Variants in ADAMTSL1 observed in about 807,000 individuals in gnomAD.
ADAMTSL1 encodes the protein ADAMTS-like protein 1.
ADAMTSL1 carries 126 observed loss-of-function variants against 201.8 expected under a neutral mutation model. That is an observed-to-expected ratio of 0.62 (90% confidence interval 0.54 to 0.72). The LOEUF (loss-of-function observed/expected upper bound fraction) is 0.72, where lower values mean the gene tolerates loss of function less well. ADAMTSL1 is among the 30% of genes least tolerant of loss of function. The pLI is 0.00. For synonymous variants in ADAMTSL1, 1,121 were observed against 903.4 expected, an observed-to-expected ratio of 1.24 and a Z score of -4.32; for missense variants, 2,679 against 2,277.8, an observed-to-expected ratio of 1.18 and a Z score of -3.59.
At chr9:18,393,053 CT>C (rs1838116953) in intron 2 of ADAMTSL1, among the ~76,000 whole-genome samples, 1 of 152,084 alleles carries the variant, frequency 6.6e-6, no homozygotes, top group Middle Eastern at 3.2e-3. Context: ...TCTTAGAGTG[CT>C]TATTGACCAC....
chr9:18,525,342 A>G (rs1818968836), intron 2 of ADAMTSL1, among the ~76,000 whole-genome samples: 1 of 151,548 alleles, frequency 6.6e-6, no homozygotes, highest in Admixed American at 6.6e-5. Context: ...TTTCTTCTTT[A>G]TTACTCTTGC....
chr9:18,379,647 T>G (rs1362628877), intron 2 of ADAMTSL1, among the ~76,000 whole-genome samples: 1 of 151,982 alleles, frequency 6.6e-6, no homozygotes, highest in Admixed American at 6.6e-5. Flanking sequence ...TGACGAAGGC[T>G]CTCCAGGCTG....
At chr9:18,438,422 C>A (rs1164263646) in intron 2 of ADAMTSL1, among the ~76,000 whole-genome samples, 1 of 152,244 alleles carries the variant, frequency 6.6e-6, no homozygotes, top group East Asian at 1.9e-4. Context: ...GGGCAGCCAC[C>A]CCCACGGACA....
intron 2 of ADAMTSL1, among the ~76,000 whole-genome samples, chr9:18,407,161 T>G (rs1424494820): frequency 1.3e-5 from 2 of 152,274 alleles, no homozygotes; most frequent in African/African-American, 4.8e-5. Context: ...CTATACAAAG[T>G]GCAGGAAGAG....
intron 19 of ADAMTSL1, among the ~76,000 whole-genome samples, chr9:18,789,506 G>A (rs79731404): frequency 6.6e-5 from 10 of 152,262 alleles, no homozygotes; most frequent in East Asian, 5.8e-4. Flanking sequence ...TTTCAGCCCC[G>A]TTGCTTTGAA....
At chr9:18,636,103 A>T in intron 6 of ADAMTSL1, 86 bp downstream of exon 6, 1 of 1,115,588 alleles carries the variant, frequency 9.0e-7, no homozygotes, top group Non-Finnish European at 1.3e-6. Context: ...ATTAAAACAC[A>T]AGAATACAAA....
intron 1 of ADAMTSL1, among the ~76,000 whole-genome samples, chr9:18,089,692 C>T (rs1382254632): frequency 6.6e-6 from 1 of 152,084 alleles, no homozygotes; most frequent in African/African-American, 2.4e-5. Context: ...GGCATGATTC[C>T]ACTTGTAAAA....
At chr9:18,537,579 C>A (rs1819848581) in intron 3 of ADAMTSL1, among the ~76,000 whole-genome samples, 2 of 152,074 alleles carry the variant, frequency 1.3e-5, no homozygotes, top group Admixed American at 1.3e-4. Context: ...CAAAAATTAG[C>A]TGCTGGATGG....
intron 1 of ADAMTSL1, among the ~76,000 whole-genome samples, chr9:17,958,801 T>C (rs1016296396): frequency 2.6e-4 from 39 of 152,280 alleles, no homozygotes; most frequent in African/African-American, 8.9e-4. Context: ...ATAAACAATA[T>C]GTAACATTAC....
intron 2 of ADAMTSL1, among the ~76,000 whole-genome samples, chr9:18,241,851 A>G (rs1831076821): frequency 6.6e-6 from 1 of 152,130 alleles, no homozygotes; most frequent in African/African-American, 2.4e-5. Flanking sequence ...CAGATCAATA[A>G]CATATAAAGA....
At chr9:18,094,753 A>T (rs1824170980) in intron 1 of ADAMTSL1, among the ~76,000 whole-genome samples, 1 of 150,636 alleles carries the variant, frequency 6.6e-6, no homozygotes, top group Non-Finnish European at 1.5e-5. Flanking sequence ...TTTTTTGTAG[A>T]GACAGGGTTT....
At chr9:17,952,652 A>C (rs981499735) in intron 1 of ADAMTSL1, among the ~76,000 whole-genome samples, 9 of 152,020 alleles carry the variant, frequency 5.9e-5, no homozygotes, top group African/African-American at 1.9e-4. Context: ...GAGTGGAGGG[A>C]CCACAGGCAC....
intron 1 of ADAMTSL1, among the ~76,000 whole-genome samples, chr9:18,042,923 A>T (rs1821491034): frequency 6.6e-6 from 1 of 152,148 alleles, no homozygotes; most frequent in Admixed American, 6.6e-5. Context: ...TCCAGGAAAA[A>T]ATTCACGGGG....
intron 1 of ADAMTSL1, among the ~76,000 whole-genome samples, chr9:18,155,971 G>A (rs898756301): frequency 1.3e-5 from 2 of 152,018 alleles, no homozygotes; most frequent in African/African-American, 2.4e-5. Flanking sequence ...TGCATCAGAC[G>A]GAATGCATGC....
At chr9:17,964,965 C>T (rs1230573089) in intron 1 of ADAMTSL1, among the ~76,000 whole-genome samples, 1 of 151,994 alleles carries the variant, frequency 6.6e-6, no homozygotes, top group Non-Finnish European at 1.5e-5. Context: ...CTGTTTCAGG[C>T]TGGTCTCAAG....
At chr9:18,484,677 A>C (rs1159619207) in intron 1 of ADAMTSL1, among the ~76,000 whole-genome samples, 3 of 152,148 alleles carry the variant, frequency 2.0e-5, no homozygotes, top group African/African-American at 7.2e-5. Context: ...TTTCCCACAA[A>C]AGGTTTGCTA....
At chr9:18,048,523 T>G (rs1362730172) in intron 1 of ADAMTSL1, among the ~76,000 whole-genome samples, 1 of 152,218 alleles carries the variant, frequency 6.6e-6, no homozygotes, top group Non-Finnish European at 1.5e-5. Context: ...GTTCACATAT[T>G]GCATAACATG....
chr9:18,352,067 T>C (rs1441791214), intron 2 of ADAMTSL1, among the ~76,000 whole-genome samples: 1 of 152,184 alleles, frequency 6.6e-6, no homozygotes, highest in Non-Finnish European at 1.5e-5. Context: ...AACAAACTTT[T>C]TTTTTTAGTA....
At chr9:18,845,682 G>T (rs1826059823) in intron 23 of ADAMTSL1, among the ~76,000 whole-genome samples, 1 of 152,226 alleles carries the variant, frequency 6.6e-6, no homozygotes, top group Non-Finnish European at 1.5e-5. Context: ...GCTGGCATGA[G>T]ATGCAGTTCA....
Sources: allele counts gnomAD v4.1 joint callset (sites outside exome capture counted in the v4.1 genomes callset), GRCh38; gene constraint gnomAD v4.1.1; transcripts MANE v1.5; gene names NCBI Gene and HGNC (gene_info 2026-07-23, HGNC 2026-07-21).